UBR2: variants seen among roughly 807,000 people sequenced by gnomAD.
UBR2 encodes the protein E3 ubiquitin-protein ligase UBR2.
Under a neutral mutation model 247.9 loss-of-function variants are expected in UBR2, and 92 were observed. That is an observed-to-expected ratio of 0.37 (90% CI 0.31 to 0.44). UBR2 has a LOEUF of 0.44. Ranked by LOEUF, UBR2 falls within the 20% of genes least tolerant of loss-of-function variation. UBR2 has a pLI of 1.00. For missense variants in UBR2, 1,613 were observed against 2,112.6 expected, an observed-to-expected ratio of 0.76 and a Z score of 4.64; for synonymous variants, 672 against 693.5, an observed-to-expected ratio of 0.97 and a Z score of 0.49.
chr6:42,588,310 C>T (rs1239197852), intron 2 of UBR2, among the ~76,000 whole-genome samples: 1 of 152,220 alleles, frequency 6.6e-6, no homozygotes, highest in African/African-American at 2.4e-5. Flanking sequence ...CTGGGCATGC[C>T]ACCCTCCTAA....
chr6:42,592,228 G>A lies in UBR2; in HGVS notation c.416G>A (p.Arg139Lys). The change falls in exon 3 of 47, where the codon AGG (arginine) becomes AAG (lysine). Residue 139 changes from arginine (R) to lysine (K), a missense_variant and splice_region_variant. Coordinates refer to ENST00000372901, the MANE Select transcript of UBR2 (RefSeq NM_001363705.2). ...LGSIHRDHRY[R>K]MTTSGGGGFC... is the part of the protein sequence containing the mutation. Reference sequence around the variant, plus strand: ...AGTATTCACAGAGATCATCGATATAGGGTTAGTAATGTCCAAATAATAACC... The same window carrying A: ...AGTATTCACAGAGATCATCGATATAAGGTTAGTAATGTCCAAATAATAACC... 1 of 1,563,078 alleles carries A rather than the reference G, an allele frequency of 6.4e-7. No individual in the cohort carries two copies.
At position 42,661,638 on chromosome 6, in the gene UBR2, CT is replaced by C. The variant is rs542580834; in HGVS notation, c.3443-540del. On this transcript the variant is annotated intron_variant, in intron 30 of 46. Transcript: ENST00000372901. The stretch of plus-strand genomic sequence containing the variant: ...ACCAGGACAGAAGACTCTGAATTAC[CT>C]TTTTTCCCCCCATCTGATCTGGTCT... 2.4e-3 allele frequency among the ~76,000 whole-genome samples: 363 copies of C among 152,212 alleles called. 1 individual carries two copies. The highest frequency in any genetic ancestry group is 8.3e-3 in the African/African-American group (343 of 41,540).
At chr6:42,688,499 TTCATTCC>T in intron 45 of UBR2, 113 bp downstream of exon 45, 1 of 1,266,512 alleles carries the variant, frequency 7.9e-7, no homozygotes, top group Non-Finnish European at 1.1e-6. Flanking sequence ...TTCCGTGTGA[TTCATTCC>T]AGAAACGTGG....
chr6:42,629,449 T>A (rs1261648249), intron 11 of UBR2, among the ~76,000 whole-genome samples: 1 of 148,952 alleles, frequency 6.7e-6, no homozygotes, highest in East Asian at 2.0e-4. Context: ...AGGTCAAGAC[T>A]TCAAGATCAG....
At chr6:42,620,835 C>T (rs941486856) in intron 11 of UBR2, among the ~76,000 whole-genome samples, 2 of 151,874 alleles carry the variant, frequency 1.3e-5, no homozygotes, top group East Asian at 1.9e-4. Flanking sequence ...GACGGAGTCT[C>T]GCTCTGTCAC....
intron 13 of UBR2, among the ~76,000 whole-genome samples, chr6:42,633,716 GT>G (rs1554255338): frequency 1.6e-5 from 2 of 127,222 alleles, no homozygotes; most frequent in African/African-American, 5.6e-5. Flanking sequence ...TTTTTTGTTT[GT>G]TTTTTGTTTT....
In UBR2 at chr6:42,692,849, C is replaced by T. The variant is rs1799814033; in HGVS notation, c.*1676C>T. The T allele has an allele frequency of 1.3e-5, 2 of 152,192 alleles. No individual in the cohort carries two copies. Among genetic ancestry groups the T allele is most frequent in the African/African-American group, 4.8e-5 (2 of 41,438 alleles). The allele number at this position is 152,192 out of a possible 1,614,324, so 9.4% of individuals were successfully genotyped here. ...GCCATTCTTGCGTGGGACTGACTCA[C>T]CCAGCTGAGAGGAGGACCAATAGAA... On this transcript the variant is annotated 3_prime_UTR_variant, in exon 47 of 47. Transcript: ENST00000372901.
rs376113044 is a variant in UBR2 at position 42,652,039 on chromosome 6, G to A, written c.2582G>A (p.Arg861Gln). 1.9e-5 allele frequency: 30 copies of A among 1,591,972 alleles called. No individual in the cohort carries two copies. Among genetic ancestry groups the A allele is most frequent in the African/African-American group, 1.5e-4 (11 of 73,110 alleles). Reference sequence around the variant, plus strand: ...TTTTATTAGGCAGAAGAAGCGCAACGGAAATTGAAAAGACAAAATAGAGAA... The same window carrying A: ...TTTTATTAGGCAGAAGAAGCGCAACAGAAATTGAAAAGACAAAATAGAGAA... ...AEQSKAEEAQRKLKRQNREDT... is the reference protein window; with the variant it reads ...AEQSKAEEAQQKLKRQNREDT... The change falls in exon 24 of 47, where the codon CGG becomes CAG. Residue 861 changes from arginine (R) to glutamine (Q), a missense_variant. Around this residue, in one of 3 missense-constraint regions of UBR2, gnomAD observed 1,524 missense variants for 1,967.3 expected, o/e 0.77. Coordinates refer to ENST00000372901, the MANE Select transcript of UBR2 (RefSeq NM_001363705.2).
At chr6:42,568,631 G>A (rs541081600) in intron 1 of UBR2, among the ~76,000 whole-genome samples, 3 of 152,080 alleles carry the variant, frequency 2.0e-5, no homozygotes, top group Admixed American at 2.0e-4. Flanking sequence ...TTGGGAGGCT[G>A]AGGCAGGAGA....
intron 8 of UBR2, among the ~76,000 whole-genome samples, chr6:42,613,024 C>T (rs1794190485): frequency 6.6e-6 from 1 of 152,120 alleles, no homozygotes; most frequent in South Asian, 2.1e-4. Flanking sequence ...TCACTTGAAC[C>T]CAGGAAGCAG....
intron 4 of UBR2, among the ~76,000 whole-genome samples, chr6:42,598,251 C>T (rs1031374141): frequency 1.3e-5 from 2 of 152,106 alleles, no homozygotes; most frequent in African/African-American, 4.8e-5. Flanking sequence ...TATTTTGTGA[C>T]ATGAGAAAAT....
At chr6:42,623,397 G>C (rs1018988617) in intron 11 of UBR2, among the ~76,000 whole-genome samples, 1 of 152,050 alleles carries the variant, frequency 6.6e-6, no homozygotes, top group Non-Finnish European at 1.5e-5. Context: ...TCAGTCTCCC[G>C]AGTACCTGGG....
At position 42,658,142 on chromosome 6, in the gene UBR2, T is replaced by C. The variant is rs372817539; in HGVS notation, c.2982+9T>C. On this transcript the variant is annotated intron_variant, in intron 27 of 46. Coordinates refer to ENST00000372901, the MANE Select transcript of UBR2 (RefSeq NM_001363705.2). ...TTCGGTGGATATTGAAGGTAAAATT[T>C]CCACATTCCTCTGCTTTTTGTGAGA... The C allele has an allele frequency of 6.8e-6, 11 of 1,613,196 alleles. No individual in the cohort carries two copies. The South Asian group carries it at 1.2e-4, about 18-fold the overall frequency.
chr6:42,620,363 G>C (rs562593185), intron 11 of UBR2: 1 of 151,540 alleles, frequency 6.6e-6, no homozygotes, highest in African/African-American at 2.4e-5. Flanking sequence ...TGAGTTGTCT[G>C]CCTTTTTCTT....
chr6:42,633,703 TG>T (rs1277168440), intron 13 of UBR2, among the ~76,000 whole-genome samples: 1 of 148,502 alleles, frequency 6.7e-6, no homozygotes, highest in South Asian at 2.1e-4. Flanking sequence ...TTTTTGGGGT[TG>T]TTTTTTTGTT....
chr6:42,635,351 C>A, intron 13 of UBR2, 67 bp from the exon 14 acceptor site: 1 of 1,486,506 alleles, frequency 6.7e-7, no homozygotes, highest in South Asian at 1.2e-5. Context: ...TACATTACTT[C>A]TTAGGTTTCC....
chr6:42,614,394 A>G (rs1794373178), intron 8 of UBR2, among the ~76,000 whole-genome samples: 2 of 118,232 alleles, frequency 1.7e-5, no homozygotes, highest in Non-Finnish European at 3.5e-5. Flanking sequence ...GTATGTACGT[A>G]CATACATACG....
In UBR2 at chr6:42,663,419, A is replaced by G; in HGVS notation, c.3698A>G (p.Asn1233Ser). 2 of 1,605,604 alleles carry G rather than the reference A, an allele frequency of 1.2e-6. No individual in the cohort carries two copies. The highest frequency in any genetic ancestry group is 1.7e-6 in the Non-Finnish European group (2 of 1,176,732). Reference sequence around the variant, plus strand: ...CTTCCTCCAAGAAATATTTTTAACAAGTAAGTTTTGGCTCATGACAACTAT... The same window carrying G: ...CTTCCTCCAAGAAATATTTTTAACAGGTAAGTTTTGGCTCATGACAACTAT... ...LLLPPRNIFN[N>S]RLNFSDQPNL... The change falls in exon 32 of 47, where the codon AAC (asparagine) becomes AGC (serine). Residue 1233 changes from asparagine (N) to serine (S), a missense_variant and splice_region_variant. Transcript: ENST00000372901.
Position 42,583,481 on chromosome 6 carries a change from A to G in UBR2, c.339-8670A>G, listed in dbSNP as rs186271875. On this transcript the variant is annotated intron_variant, in intron 2 of 46. Coordinates refer to ENST00000372901, the MANE Select transcript of UBR2 (RefSeq NM_001363705.2). The stretch of plus-strand genomic sequence containing the variant: ...AGGCTAGTCTTGAACTCCCAACCTC[A>G]TGTGATCCACCCGCCTAGGCCTTCC... Among the ~76,000 whole-genome samples, 735 of 149,044 alleles carry G rather than the reference A, an allele frequency of 4.9e-3. 3 individuals carry two copies. Among genetic ancestry groups the G allele is most frequent in the Non-Finnish European group, 7.7e-3 (524 of 67,662 alleles).
Sources: allele counts gnomAD v4.1 joint callset (sites outside exome capture counted in the v4.1 genomes callset), GRCh38; gene constraint gnomAD v4.1.1; regional missense constraint gnomAD v4.1.1; transcripts MANE v1.5; gene names NCBI Gene and HGNC (gene_info 2026-07-23, HGNC 2026-07-21).